AK9: variants seen among roughly 807,000 people sequenced by gnomAD.
AK9 encodes adenylate kinase domain containing 1.
AK9 carries 191 observed loss-of-function variants against 239.6 expected under a neutral mutation model. The observed-to-expected ratio is 0.80, with a 90% CI of 0.71 to 0.90. The LOEUF is 0.90. AK9 is among the 40% of genes least tolerant of loss of function. The pLI is 0.00. For missense variants in AK9, 1,995 were observed against 2,214.7 expected, an observed-to-expected ratio of 0.90 and a Z score of 1.99; for synonymous variants, 689 against 721.0, an observed-to-expected ratio of 0.96 and a Z score of 0.71.
intron 17 of AK9, among the ~76,000 whole-genome samples, chr6:109,605,537 CTG>C (rs1562484264): frequency 2.0e-5 from 3 of 151,902 alleles, no homozygotes; most frequent in Non-Finnish European, 4.4e-5. Flanking sequence ...AGATGTCTTT[CTG>C]ATTTCAATTT....
At chr6:109,549,368 C>T (rs1784015370) in intron 25 of AK9, among the ~76,000 whole-genome samples, 1 of 152,152 alleles carries the variant, frequency 6.6e-6, no homozygotes, top group African/African-American at 2.4e-5. Flanking sequence ...TAGATGTCAA[C>T]CCACTTATGC....
At chr6:109,564,342 T>C (rs1562415578) in intron 22 of AK9, 62 bp from the exon 23 acceptor site, 5 of 1,346,674 alleles carry the variant, frequency 3.7e-6, no homozygotes, top group East Asian at 2.5e-5. Flanking sequence ...TTTAGCCATA[T>C]TGCCAAAATA....
intron 17 of AK9, among the ~76,000 whole-genome samples, chr6:109,605,871 C>T (rs1246751506): frequency 8.5e-5 from 13 of 152,156 alleles, no homozygotes; most frequent in Non-Finnish European, 1.3e-4. Context: ...AAGGTGAAAA[C>T]CTTCCCCAGG....
At chr6:109,521,360 C>G (rs760873276) in intron 29 of AK9, among the ~76,000 whole-genome samples, 4 of 151,990 alleles carry the variant, frequency 2.6e-5, no homozygotes, top group Non-Finnish European at 5.9e-5. Flanking sequence ...CATATTTTTG[C>G]TCTTTATTTT....
intron 12 of AK9, among the ~76,000 whole-genome samples, chr6:109,630,328 G>A (rs985626102): frequency 6.6e-6 from 1 of 152,122 alleles, no homozygotes; most frequent in African/African-American, 2.4e-5. Context: ...ATATTGTAAA[G>A]ATGTCCATTC....
chr6:109,516,392 TA>T, intron 30 of AK9, 37 bp downstream of exon 30: 1 of 1,502,860 alleles, frequency 6.7e-7, no homozygotes, highest in South Asian at 1.2e-5. Context: ...TCTCAAATAT[TA>T]CTTTTGAATT....
intron 17 of AK9, among the ~76,000 whole-genome samples, chr6:109,607,917 G>A (rs1793100789): frequency 6.6e-6 from 1 of 151,876 alleles, no homozygotes; most frequent in African/African-American, 2.4e-5. Context: ...TACAGAGAAG[G>A]ACGCAATGAC....
chr6:109,622,708 T>C (rs1350106131), intron 12 of AK9, among the ~76,000 whole-genome samples: 1 of 149,672 alleles, frequency 6.7e-6, no homozygotes, highest in Admixed American at 6.7e-5. Flanking sequence ...ATGTAGATAA[T>C]ATATAACACA....
intron 24 of AK9, among the ~76,000 whole-genome samples, chr6:109,554,220 T>C (rs1784689935): frequency 1.3e-5 from 2 of 152,144 alleles, no homozygotes; most frequent in African/African-American, 4.8e-5. Context: ...TAAAATGAAT[T>C]AGGGAGGAGT....
chr6:109,526,832 C>T (rs117406559), intron 29 of AK9, among the ~76,000 whole-genome samples: 2,726 of 152,244 alleles, frequency 0.018, 51 homozygotes, highest in Middle Eastern at 0.038. Flanking sequence ...ACCTGAAGAG[C>T]CCTCTGTGTA....
chr6:109,500,266 T>C (rs890646521), intron 35 of AK9, among the ~76,000 whole-genome samples: 8 of 151,932 alleles, frequency 5.3e-5, no homozygotes, highest in African/African-American at 1.9e-4. Context: ...TTCTAAAGAG[T>C]AGATTTTAAA....
chr6:109,592,748 AT>A (rs570444587), intron 17 of AK9, among the ~76,000 whole-genome samples: 5 of 148,928 alleles, frequency 3.4e-5, no homozygotes, highest in African/African-American at 4.9e-5. Context: ...GCCCAGCGGG[AT>A]TTTTTTTTAT....
At chr6:109,518,872 T>C (rs1779535374) in intron 29 of AK9, among the ~76,000 whole-genome samples, 2 of 152,094 alleles carry the variant, frequency 1.3e-5, no homozygotes, top group African/African-American at 2.4e-5. Context: ...CAAGGGTATA[T>C]TGCATGATGC....
intron 17 of AK9, among the ~76,000 whole-genome samples, chr6:109,590,335 G>C (rs1399590203): frequency 6.6e-6 from 1 of 152,056 alleles, no homozygotes; most frequent in African/African-American, 2.4e-5. Context: ...TTTCCTCTAG[G>C]TTTTCCAGCT....
chr6:109,605,502 T>A (rs1205040937), intron 17 of AK9, among the ~76,000 whole-genome samples: 2 of 152,014 alleles, frequency 1.3e-5, no homozygotes, highest in African/African-American at 4.8e-5. Flanking sequence ...TTTGGAGAAG[T>A]TTGTGTGGCA....
chr6:109,550,293 T>C lies in AK9; in HGVS notation c.2761A>G (p.Lys921Glu), dbSNP rs780972684. The part of the protein sequence containing the change: ...EEEEEEEGED[K>E]MKERKRHLGD... The stretch of plus-strand genomic sequence containing the variant: ...AAATGCCTCTTTCTCTCCTTCATTT[T>C]ATCTTCACCCTAGAAACGGTATTCA... The change falls in exon 25 of 41, where the codon AAA (lysine) becomes GAA (glutamate). Residue 921 changes from lysine to glutamate, a missense_variant. This residue lies in a region of AK9 where 1,290 missense variants were observed against 1,392.7 expected (regional missense o/e 0.93). Coordinates refer to ENST00000424296, the MANE Select transcript of AK9 (RefSeq NM_001145128.3). 3 of 1,609,598 alleles carry C rather than the reference T, an allele frequency of 1.9e-6. No homozygotes were observed. The highest frequency in any genetic ancestry group is 1.3e-5 in the African/African-American group (1 of 74,862).
rs1451025185 is a variant in AK9 at position 109,533,378 on chromosome 6, A to C, written c.3443T>G (p.Phe1148Cys). ...DRGFFPDAAV[F>C]IQVDDQDIFD... ...AATATCTTGATCATCAACTTGTATA[A>C]AAACAGCTGCATCTGGGAAAAATCC... The change falls in exon 28 of 41, where the codon TTT becomes TGT. Residue 1148 changes from phenylalanine to cysteine, a missense_variant. This residue lies in a region of AK9 where 1,290 missense variants were observed against 1,392.7 expected (regional missense o/e 0.93). Transcript: ENST00000424296. 34 of 1,611,400 alleles carry C rather than the reference A, an allele frequency of 2.1e-5. No individual in the cohort carries two copies. The highest frequency in any genetic ancestry group is 2.8e-5 in the Non-Finnish European group (33 of 1,178,848).
chr6:109,497,704 C>T (rs754342987), intron 37 of AK9, 92 bp downstream of exon 37: 31 of 1,458,738 alleles, frequency 2.1e-5, no homozygotes, highest in South Asian at 7.8e-5. Context: ...TAAACAACAG[C>T]GAACTTTTGA....
intron 1 of AK9, among the ~76,000 whole-genome samples, chr6:109,687,003 C>T (rs1285578991): frequency 1.3e-5 from 2 of 152,206 alleles, no homozygotes; most frequent in East Asian, 1.9e-4. Context: ...TCAGCTCACA[C>T]CTCATGTGGA....
Sources: allele counts gnomAD v4.1 joint callset (sites outside exome capture counted in the v4.1 genomes callset), GRCh38; gene constraint gnomAD v4.1.1; regional missense constraint gnomAD v4.1.1; transcripts MANE v1.5; gene names NCBI Gene and HGNC (gene_info 2026-07-23, HGNC 2026-07-21).